The following DSCAM variants were observed in gnomAD, a reference collection of about 807,000 sequenced individuals.
DSCAM encodes the protein cell adhesion molecule DSCAM.
In DSCAM, 47 loss-of-function variants were observed where a neutral mutation model predicts 217.7. The ratio of observed to expected loss-of-function variants is 0.22; its 90% CI spans 0.17 to 0.28. DSCAM has a LOEUF of 0.28. Among genes scored for constraint, DSCAM ranks in the 10% least tolerant of loss-of-function variants. The probability of loss-of-function intolerance (pLI) is 1.00; values close to 1 mark genes in which losing one functional copy is unlikely to be tolerated. For synonymous variants in DSCAM, 1,056 were observed against 1,015.3 expected (o/e 1.04, Z -0.76); for missense variants, 2,080 against 2,618.3 (o/e 0.79, Z 4.49).
chr21:40,359,980 G>A (rs192143131), intron 4 of DSCAM, among the ~76,000 whole-genome samples: 3 of 152,052 alleles, frequency 2.0e-5, no homozygotes, highest in South Asian at 2.1e-4. Flanking sequence ...ACCTGAATGA[G>A]GTATTTATTT....
At chr21:40,284,505 C>A (rs1397973574) in intron 10 of DSCAM, among the ~76,000 whole-genome samples, 1 of 152,132 alleles carries the variant, frequency 6.6e-6, no homozygotes, top group Non-Finnish European at 1.5e-5. Context: ...TACATTTTAC[C>A]AGTGAGAGGC....
At chr21:40,593,588 C>T (rs2076999465) in intron 3 of DSCAM, among the ~76,000 whole-genome samples, 1 of 152,192 alleles carries the variant, frequency 6.6e-6, no homozygotes, top group Non-Finnish European at 1.5e-5. Context: ...TCAAGTGATC[C>T]ACCCACCTTG....
At chr21:40,769,095 T>A (rs949296685) in intron 1 of DSCAM, among the ~76,000 whole-genome samples, 2 of 146,676 alleles carry the variant, frequency 1.4e-5, no homozygotes, top group Non-Finnish European at 3.0e-5. Flanking sequence ...GAAAGGCTCA[T>A]GGGGGCCCTT....
intron 11 of DSCAM, among the ~76,000 whole-genome samples, chr21:40,251,992 C>G: frequency 6.6e-6 from 1 of 152,148 alleles, no homozygotes; most frequent in Non-Finnish European, 1.5e-5. Context: ...CAAGTTGACT[C>G]CTGACAACAA....
intron 31 of DSCAM, among the ~76,000 whole-genome samples, 194 bp downstream of exon 31, chr21:40,043,884 C>T (rs1394767925): frequency 2.0e-5 from 3 of 152,044 alleles, no homozygotes; most frequent in East Asian, 1.9e-4. Flanking sequence ...TCTGTTTTGC[C>T]CTGTGTGGAG....
intron 11 of DSCAM, among the ~76,000 whole-genome samples, chr21:40,263,677 A>G (rs1444401737): frequency 6.6e-6 from 1 of 152,222 alleles, no homozygotes; most frequent in East Asian, 1.9e-4. Flanking sequence ...CCAAACCCAA[A>G]GCTAGCAGAA....
chr21:40,687,586 A>G (rs112536904), intron 3 of DSCAM, among the ~76,000 whole-genome samples: 4 of 152,232 alleles, frequency 2.6e-5, no homozygotes, highest in African/African-American at 7.2e-5. Context: ...ACGGCATCCA[A>G]TCTGCTCTTA....
chr21:40,750,231 T>C (rs1322191573), intron 1 of DSCAM, among the ~76,000 whole-genome samples: 1 of 152,134 alleles, frequency 6.6e-6, no homozygotes, highest in East Asian at 1.9e-4. Context: ...CCTGACCTCA[T>C]TGGCTCCACT....
Position 40,085,756 on chromosome 21 carries a change from T to C in DSCAM, c.3978A>G (p.Thr1326=), listed in dbSNP as rs1301955104. 1 of 1,511,358 alleles carries C rather than the reference T, an allele frequency of 6.6e-7. No homozygotes were observed. The allele number at this position is 1,511,358 out of a possible 1,614,324, so 93.6% of individuals were successfully genotyped here. A position where few individuals can be genotyped will look rare whatever the true frequency, so the allele number is the denominator to read the frequency against. The change falls in exon 23 of 33, where the codon ACA becomes ACG. Residue 1326 remains threonine (T), a synonymous_variant. Coordinates refer to ENST00000400454, the MANE Select transcript of DSCAM (RefSeq NM_001389.5). Reference sequence around the variant, plus strand: ...GCCCATCAATCGTTACTAGACTGGGTGTCCCGTTACTGCCTCACAGGAAGA... The same window carrying C: ...GCCCATCAATCGTTACTAGACTGGGCGTCCCGTTACTGCCTCACAGGAAGA... ...AVKWMKDSNG[T]PSLVTIDGRR... is the part of the protein sequence containing the mutation.
At position 40,521,334 on chromosome 21, in the gene DSCAM, CT is replaced by C. The variant is rs576654717; in HGVS notation, c.509-152090del. On this transcript the variant is annotated intron_variant, in intron 3 of 32. Transcript: ENST00000400454. ...TTTAGTTTTTTGAGAAACCGCTATA[CT>C]TTTTTCCGTAATGGCTTTACTAATT... 2.6e-5 allele frequency among the ~76,000 whole-genome samples: 4 copies of C among 152,178 alleles called. No individual in the cohort carries two copies. In the South Asian group the frequency reaches 8.3e-4, roughly 32 times the overall value.
chr21:40,683,788 C>T (rs543453292), intron 3 of DSCAM, among the ~76,000 whole-genome samples: 10 of 152,232 alleles, frequency 6.6e-5, no homozygotes, highest in Middle Eastern at 3.4e-3. Context: ...TGAAAAGTTA[C>T]GATCCTTTGA....
chr21:40,512,749 G>A (rs777626685), intron 3 of DSCAM, among the ~76,000 whole-genome samples: 7 of 151,584 alleles, frequency 4.6e-5, no homozygotes, highest in Non-Finnish European at 7.4e-5. Flanking sequence ...GACCTCCCTC[G>A]TTCACACCTG....
chr21:40,234,660 C>T (rs1332245209), intron 11 of DSCAM, among the ~76,000 whole-genome samples: 1 of 152,168 alleles, frequency 6.6e-6, no homozygotes, highest in Non-Finnish European at 1.5e-5. Flanking sequence ...GTTCTCTCTT[C>T]TCTCACTTTT....
intron 3 of DSCAM, among the ~76,000 whole-genome samples, chr21:40,507,053 C>A (rs779339951): frequency 1.3e-5 from 2 of 152,102 alleles, no homozygotes; most frequent in African/African-American, 4.8e-5. Context: ...CCGAGGCAGG[C>A]AGATCGCAAG....
intron 19 of DSCAM, among the ~76,000 whole-genome samples, chr21:40,129,827 C>T (rs915734347): frequency 2.0e-5 from 3 of 152,298 alleles, no homozygotes; most frequent in African/African-American, 7.2e-5. Flanking sequence ...CCCCAGCACA[C>T]GTCACAGGCA....
At chr21:40,771,337 T>C (rs866176026) in intron 1 of DSCAM, among the ~76,000 whole-genome samples, 17 of 152,194 alleles carry the variant, frequency 1.1e-4, no homozygotes, top group African/African-American at 4.1e-4. Context: ...TGAGCTGCAA[T>C]GATTGAAACG....
At chr21:40,332,026 C>T (rs910622623) in intron 8 of DSCAM, among the ~76,000 whole-genome samples, 1 of 152,208 alleles carries the variant, frequency 6.6e-6, no homozygotes, top group Non-Finnish European at 1.5e-5. Flanking sequence ...TGCCACATCG[C>T]TCCTCTCAGC....
intron 20 of DSCAM, among the ~76,000 whole-genome samples, chr21:40,107,958 A>G (rs1047591884): frequency 6.6e-6 from 1 of 152,198 alleles, no homozygotes; most frequent in Non-Finnish European, 1.5e-5. Flanking sequence ...GTAAAATCCA[A>G]CATCCATTCA....
At chr21:40,830,192 C>T (rs964183070) in intron 1 of DSCAM, among the ~76,000 whole-genome samples, 2 of 152,152 alleles carry the variant, frequency 1.3e-5, no homozygotes, top group African/African-American at 4.8e-5. Flanking sequence ...AAGAAAGCCT[C>T]AAGAAGCTTA....
Sources: allele counts gnomAD v4.1 joint callset (sites outside exome capture counted in the v4.1 genomes callset), GRCh38; gene constraint gnomAD v4.1.1; transcripts MANE v1.5; gene names NCBI Gene and HGNC (gene_info 2026-07-23, HGNC 2026-07-21).